AGPAT3: variants seen among roughly 807,000 people sequenced by gnomAD.
AGPAT3 encodes the protein 1-acylglycerol-3-phosphate O-acyltransferase 3.
In AGPAT3, 5 loss-of-function variants were observed where a neutral mutation model predicts 47.3. That is an observed-to-expected ratio of 0.11 (90% CI 0.06 to 0.22). The LOEUF is 0.22. Ranked by LOEUF, AGPAT3 falls within the 10% of genes least tolerant of loss-of-function variation. The pLI, the probability that AGPAT3 is intolerant of heterozygous loss-of-function variation, is 1.00. For synonymous variants in AGPAT3, 212 were observed against 208.3 expected (o/e 1.02, Z -0.15); for missense variants, 315 against 493.0 (o/e 0.64, Z 3.42).
chr21:43,927,282 A>T (rs1350040925), intron 2 of AGPAT3, among the ~76,000 whole-genome samples: 1 of 152,224 alleles, frequency 6.6e-6, no homozygotes, highest in Non-Finnish European at 1.5e-5. Flanking sequence ...GGTACATAGT[A>T]GGTATATATA....
chr21:43,977,917 AGAGT>A, intron 7 of AGPAT3, 125 bp from the exon 8 acceptor site: 1 of 615,438 alleles, frequency 1.6e-6, no homozygotes, highest in South Asian at 2.1e-5. Context: ...AAAGAAATTG[AGAGT>A]GAGATGTGAC....
At position 43,933,179 on chromosome 21, in the gene AGPAT3, C is replaced by T. The variant is rs1166133608; in HGVS notation, c.-48-26455C>T. ...TGGTTAATAATGCCGAACAGCTCTT[C>T]GTTAACCTGCTGGCTGTCGGTGTGG... On this transcript the variant is annotated intron_variant, in intron 2 of 9. Coordinates refer to ENST00000291572, the MANE Select transcript of AGPAT3 (RefSeq NM_020132.5). This position sits in a 1 kb window ranked among gnomAD's most constrained non-coding sequence, Gnocchi z 6.0. 6.6e-6 allele frequency among the ~76,000 whole-genome samples: 1 copy of T among 152,234 alleles called. No homozygotes were observed. Among genetic ancestry groups the T allele is most frequent in the Non-Finnish European group, 1.5e-5 (1 of 68,052 alleles).
rs1270754322 is a variant in AGPAT3, at chr21:43,955,139, A to T, written c.-48-4495A>T. 1.6e-6 allele frequency: 2 copies of T among 1,277,266 alleles called. No individual in the cohort carries two copies. The highest frequency in any genetic ancestry group is 2.0e-6 in the Non-Finnish European group (2 of 981,206). 79.1% of individuals were successfully genotyped at this position (1,277,266 alleles called of 1,614,324 possible). On this transcript the variant is annotated intron_variant, in intron 2 of 9. Coordinates refer to ENST00000291572, the MANE Select transcript of AGPAT3 (RefSeq NM_020132.5). The surrounding 1 kb of genome is among the most constrained non-coding windows in gnomAD (Gnocchi z 4.1). ...ATGCCGTGGGGGTCACTCAGCAGCCACGGATGCGCCCTGGGTGCTGTCCCG... is the reference window on the plus strand; with the variant it reads ...ATGCCGTGGGGGTCACTCAGCAGCCTCGGATGCGCCCTGGGTGCTGTCCCG...
At chr21:43,917,985 ATGGGTGTTGTGGGGGTTG>A (rs2086786958) in intron 2 of AGPAT3, among the ~76,000 whole-genome samples, 1 of 23,628 alleles carries the variant, frequency 4.2e-5, no homozygotes, top group Non-Finnish European at 7.8e-5. Context: ...GTGTTGTGTT[ATGGGTGTTGTGGGGGTTG>A]TGGGTGTTGT....
intron 1 of AGPAT3, among the ~76,000 whole-genome samples, chr21:43,897,585 C>G (rs187024152): frequency 0.071 from 9,727 of 137,776 alleles, 1,033 homozygotes; most frequent in African/African-American, 0.2. Flanking sequence ...ACATCCCAGA[C>G]GGGGCGGCCG....
rs527884838 is a variant in AGPAT3, at chr21:43,955,623, T to C, written c.-48-4011T>C. ...ATCTGATTTTTAAAAATAAACGTCA[T>C]GACTGGGTGCGGTGGCTCACACCTG... is the stretch of plus-strand genomic sequence containing the variant. On this transcript the variant is annotated intron_variant, in intron 2 of 9. Coordinates refer to ENST00000291572, the MANE Select transcript of AGPAT3 (RefSeq NM_020132.5). This position sits in a 1 kb window ranked among gnomAD's most constrained non-coding sequence, Gnocchi z 4.1. Among the ~76,000 whole-genome samples the C allele has an allele frequency of 2.6e-5, 4 of 151,706 alleles. No homozygotes were observed. Among genetic ancestry groups the C allele is most frequent in the Non-Finnish European group, 4.4e-5 (3 of 67,880 alleles).
chr21:43,875,753 G>A (rs1271136990), intron 1 of AGPAT3, among the ~76,000 whole-genome samples: 2 of 152,094 alleles, frequency 1.3e-5, no homozygotes, highest in Non-Finnish European at 2.9e-5. Flanking sequence ...GATTACAGGT[G>A]CCCACCACCA....
At position 43,952,068 on chromosome 21, in the gene AGPAT3, C is replaced by T. The variant is rs890170045; in HGVS notation, c.-48-7566C>T. 6.6e-6 allele frequency among the ~76,000 whole-genome samples: 1 copy of T among 151,850 alleles called. No homozygotes were observed. The highest frequency in any genetic ancestry group is 1.5e-5 in the Non-Finnish European group (1 of 67,974). On this transcript the variant is annotated intron_variant, in intron 2 of 9. Transcript: ENST00000291572. This position sits in a 1 kb window ranked among gnomAD's most constrained non-coding sequence, Gnocchi z 5.6. ...GGCAGGCAGGGGGTGGGCTGGATGG[C>T]GGAACACGGGGATGGGCCCGTACCT... is the stretch of plus-strand genomic sequence containing the variant.
chr21:43,946,656 C>A (rs1200232638), intron 2 of AGPAT3, among the ~76,000 whole-genome samples: 1 of 151,524 alleles, frequency 6.6e-6, no homozygotes, highest in Non-Finnish European at 1.5e-5. Flanking sequence ...AATAAGTATG[C>A]AGCAAATATC....
chr21:43,969,336 C>G lies in AGPAT3; in HGVS notation c.510+57C>G, dbSNP rs575246464. The G allele has an allele frequency of 1.9e-6, 3 of 1,599,358 alleles. No homozygotes were observed. The Admixed American group carries it at 5.0e-5, about 27-fold the overall frequency. On this transcript the variant is annotated intron_variant, in intron 5 of 9. Coordinates refer to ENST00000291572, the MANE Select transcript of AGPAT3 (RefSeq NM_020132.5). The stretch of plus-strand genomic sequence containing the variant: ...TGCCTGGAGGAGGCCACGCCAACTC[C>G]TGATGCACGGCTGCCCACATCCCAG...
intron 2 of AGPAT3, among the ~76,000 whole-genome samples, chr21:43,926,246 T>C (rs2146232762): frequency 6.6e-6 from 1 of 152,330 alleles, no homozygotes; most frequent in South Asian, 2.1e-4. Flanking sequence ...TCCTCAGCCC[T>C]GTCCTCCAGC....
chr21:43,948,522 C>A lies in AGPAT3; in HGVS notation c.-48-11112C>A, dbSNP rs374876529. Among the ~76,000 whole-genome samples, 72 of 152,194 alleles carry A rather than the reference C, an allele frequency of 4.7e-4. No individual in the cohort carries two copies. The Middle Eastern group carries it at 0.01, about 22-fold the overall frequency. ...CTTCCCTCCCATATCCAAGGGTGAG[C>A]GCTGCCATAATAGCAGGAGGTTCTG... On this transcript the variant is annotated intron_variant, in intron 2 of 9. Transcript: ENST00000291572.
intron 1 of AGPAT3, among the ~76,000 whole-genome samples, chr21:43,902,507 C>G (rs4819340): frequency 0.81 from 123,430 of 152,258 alleles, 50,271 homozygotes; most frequent in African/African-American, 0.89. Context: ...GAAGTCCGAG[C>G]TCAAGGTGCC....
At chr21:43,928,850 A>T (rs2087143395) in intron 2 of AGPAT3, among the ~76,000 whole-genome samples, 1 of 152,142 alleles carries the variant, frequency 6.6e-6, no homozygotes, top group Non-Finnish European at 1.5e-5. Flanking sequence ...AATGAGCTGA[A>T]ATTTATCCCC....
Position 43,985,037 on chromosome 21 carries a change from C to T in AGPAT3, c.*2645C>T, listed in dbSNP as rs1158709376. The T allele has an allele frequency of 9.0e-6, 4 of 446,718 alleles. No individual in the cohort carries two copies. Among genetic ancestry groups the T allele is most frequent in the South Asian group, 1.6e-5 (1 of 63,774 alleles). The allele number at this position is 446,718 out of a possible 1,614,324, so 27.7% of individuals were successfully genotyped here. On this transcript the variant is annotated 3_prime_UTR_variant, in exon 10 of 10. Coordinates refer to ENST00000291572, the MANE Select transcript of AGPAT3 (RefSeq NM_020132.5). ...CTCCTGTTACCCACCCAGAGCCAGG[C>T]GCCACACTGGAGGCTCCCAGGCGGG...
At chr21:43,937,229 G>A (rs1368424437) in intron 2 of AGPAT3, among the ~76,000 whole-genome samples, 1 of 152,246 alleles carries the variant, frequency 6.6e-6, no homozygotes, top group Non-Finnish European at 1.5e-5. Flanking sequence ...TTTGGGAAAT[G>A]CAAAGCATGT....
chr21:43,977,611 C>G (rs920030492), intron 7 of AGPAT3, among the ~76,000 whole-genome samples: 1 of 152,236 alleles, frequency 6.6e-6, no homozygotes, highest in African/African-American at 2.4e-5. Context: ...GGCGCAGTGG[C>G]TCACGCCTGT....
chr21:43,867,935 G>A lies in AGPAT3; in HGVS notation c.-112+2590G>A, dbSNP rs9982645. 2.8e-3 allele frequency among the ~76,000 whole-genome samples: 431 copies of A among 152,324 alleles called. 2 individuals carry two copies. The highest frequency in any genetic ancestry group is 9.8e-3 in the African/African-American group (407 of 41,564). Reference sequence around the variant, plus strand: ...TCAAGTGGTAAAGTAACATGACCACGAGGCGTCTGTCCTTCCTAAAACCAC... The same window carrying A: ...TCAAGTGGTAAAGTAACATGACCACAAGGCGTCTGTCCTTCCTAAAACCAC... On this transcript the variant is annotated intron_variant, in intron 1 of 9. Transcript: ENST00000291572.
Position 43,981,213 on chromosome 21 carries a change from C to G in AGPAT3, c.1042+26C>G, listed in dbSNP as rs778066181. 1.2e-6 allele frequency: 2 copies of G among 1,611,066 alleles called. No individual in the cohort carries two copies. The highest frequency in any genetic ancestry group is 1.1e-5 in the South Asian group (1 of 90,962). On this transcript the variant is annotated intron_variant, in intron 9 of 9. Coordinates refer to ENST00000291572, the MANE Select transcript of AGPAT3 (RefSeq NM_020132.5). The surrounding 1 kb of genome is among the most constrained non-coding windows in gnomAD (Gnocchi z 5.3). ...GTAATGGACACTGTCGCTAACAGCT[C>G]ACACTCTGACGGGCCTCACAGTATC...
Sources: allele counts gnomAD v4.1 joint callset (sites outside exome capture counted in the v4.1 genomes callset), GRCh38; gene constraint gnomAD v4.1.1; non-coding constraint Gnocchi (gnomAD v3.1); transcripts MANE v1.5; gene names NCBI Gene and HGNC (gene_info 2026-07-23, HGNC 2026-07-21).